Variants in VAV3 observed in about 807,000 individuals in gnomAD.
VAV3 encodes vav guanine nucleotide exchange factor 3.
Under a neutral mutation model 131.2 loss-of-function variants are expected in VAV3, and 94 were observed. That is an observed-to-expected ratio of 0.72 (90% CI 0.61 to 0.85). The LOEUF (loss-of-function observed/expected upper bound fraction) is 0.85, where lower values mean the gene tolerates loss of function less well. Among genes scored for constraint, VAV3 ranks in the 40% least tolerant of loss-of-function variants. The pLI is 0.00. For synonymous variants in VAV3, 349 were observed against 342.0 expected, an observed-to-expected ratio of 1.02 and a Z score of -0.22; for missense variants, 939 against 1,002.7, an observed-to-expected ratio of 0.94 and a Z score of 0.86.
At chr1:107,641,734 G>C (rs1165895113) in intron 20 of VAV3, among the ~76,000 whole-genome samples, 1 of 152,094 alleles carries the variant, frequency 6.6e-6, no homozygotes, top group East Asian at 1.9e-4. Flanking sequence ...AAGCTAATTA[G>C]GTAGTTCCCC....
intron 25 of VAV3, among the ~76,000 whole-genome samples, chr1:107,582,571 C>G (rs1650143065): frequency 8.3e-6 from 1 of 120,338 alleles, no homozygotes; most frequent in Non-Finnish European, 1.7e-5. Flanking sequence ...CCTCCCCCCA[C>G]CCCACAACAG....
chr1:107,618,197 C>T (rs1254505592), intron 20 of VAV3, among the ~76,000 whole-genome samples: 1 of 152,190 alleles, frequency 6.6e-6, no homozygotes, highest in African/African-American at 2.4e-5. Flanking sequence ...CAGTTCCTAA[C>T]AGGCCACAGT....
intron 22 of VAV3, among the ~76,000 whole-genome samples, chr1:107,607,757 T>C (rs1198453695): frequency 1.3e-5 from 2 of 152,224 alleles, no homozygotes; most frequent in African/African-American, 4.8e-5. Context: ...AAGACAATCA[T>C]CTTAATTTTC....
chr1:107,953,041 G>A (rs1366353934), intron 1 of VAV3, among the ~76,000 whole-genome samples: 1 of 152,114 alleles, frequency 6.6e-6, no homozygotes, highest in African/African-American at 2.4e-5. Context: ...GGCCTGCCTT[G>A]TTTTTTGAAA....
intron 13 of VAV3, among the ~76,000 whole-genome samples, chr1:107,750,572 C>T (rs1347875480): frequency 6.6e-6 from 1 of 152,134 alleles, no homozygotes. Flanking sequence ...GATGCTGCCC[C>T]CTACTGGCTT....
chr1:107,655,031 A>G (rs956424656), intron 19 of VAV3, among the ~76,000 whole-genome samples: 1 of 152,082 alleles, frequency 6.6e-6, no homozygotes, highest in Non-Finnish European at 1.5e-5. Context: ...TATACATAGA[A>G]ATGACACACT....
chr1:107,805,002 T>C (rs1161298626), intron 2 of VAV3, among the ~76,000 whole-genome samples: 1 of 151,850 alleles, frequency 6.6e-6, no homozygotes, highest in Non-Finnish European at 1.5e-5. Context: ...ACTTTGAAAA[T>C]GTATGTTTTC....
intron 26 of VAV3, 109 bp downstream of exon 26, chr1:107,573,938 G>A: frequency 1.4e-6 from 2 of 1,414,100 alleles, no homozygotes; most frequent in Non-Finnish European, 1.9e-6. Flanking sequence ...CCTGTGGGCT[G>A]AAAGCTGTAA....
intron 15 of VAV3, among the ~76,000 whole-genome samples, chr1:107,714,214 G>A (rs758736805): frequency 6.6e-6 from 1 of 152,020 alleles, no homozygotes; most frequent in East Asian, 1.9e-4. Flanking sequence ...TCCCCAGCAC[G>A]CAAGACAGAT....
chr1:107,617,519 G>C, intron 21 of VAV3, 48 bp downstream of exon 21: 2 of 1,544,928 alleles, frequency 1.3e-6, no homozygotes, highest in Non-Finnish European at 1.8e-6. Context: ...TTAATCACAG[G>C]ATCAAAAACA....
chr1:107,936,446 C>G (rs1381262092), intron 1 of VAV3, among the ~76,000 whole-genome samples: 1 of 152,110 alleles, frequency 6.6e-6, no homozygotes, highest in Admixed American at 6.5e-5. Context: ...AAATCAAACA[C>G]TAACAGATTT....
intron 1 of VAV3, among the ~76,000 whole-genome samples, chr1:107,918,709 T>A (rs60171013): frequency 0.01 from 1,336 of 127,510 alleles, 10 homozygotes; most frequent in East Asian, 0.055. Flanking sequence ...ATATATATTT[T>A]TTTTTTTTTT....
chr1:107,952,836 A>G (rs1445268330), intron 1 of VAV3, among the ~76,000 whole-genome samples: 1 of 152,206 alleles, frequency 6.6e-6, no homozygotes, highest in East Asian at 1.9e-4. Flanking sequence ...TGATTTAAAT[A>G]ATTGCTTCAC....
chr1:107,710,285 T>C (rs527470322), intron 15 of VAV3, among the ~76,000 whole-genome samples: 1 of 152,312 alleles, frequency 6.6e-6, no homozygotes, highest in African/African-American at 2.4e-5. Context: ...GTGGCAATTA[T>C]GTAGTATACA....
chr1:107,834,591 A>G (rs1026079217), intron 2 of VAV3, among the ~76,000 whole-genome samples: 1 of 151,770 alleles, frequency 6.6e-6, no homozygotes, highest in African/African-American at 2.4e-5. Flanking sequence ...GCCACAAAAC[A>G]TACCTTAATG....
intron 15 of VAV3, among the ~76,000 whole-genome samples, chr1:107,715,888 T>C (rs186108179): frequency 3.3e-5 from 5 of 152,342 alleles, no homozygotes; most frequent in African/African-American, 1.2e-4. Context: ...ATTTAAGTTG[T>C]ATCACATTTC....
At chr1:107,962,789 C>G (rs1401657261) in intron 1 of VAV3, among the ~76,000 whole-genome samples, 1 of 152,204 alleles carries the variant, frequency 6.6e-6, no homozygotes, top group Non-Finnish European at 1.5e-5. Flanking sequence ...GACTTAAGAA[C>G]TCAAAAGTGC....
At chr1:107,581,244 A>G (rs1275200830) in intron 25 of VAV3, among the ~76,000 whole-genome samples, 1 of 152,198 alleles carries the variant, frequency 6.6e-6, no homozygotes, top group East Asian at 1.9e-4. Context: ...TTTCAACTCC[A>G]TATTAGCATA....
chr1:107,785,555 A>G (rs1254546582), intron 2 of VAV3: 1 of 1,239,960 alleles, frequency 8.1e-7, no homozygotes, highest in African/African-American at 1.6e-5. Flanking sequence ...ACGGCATCAC[A>G]CCCCTACAAC....
Sources: allele counts gnomAD v4.1 joint callset (sites outside exome capture counted in the v4.1 genomes callset), GRCh38; gene constraint gnomAD v4.1.1; transcripts MANE v1.5; gene names NCBI Gene and HGNC (gene_info 2026-07-23, HGNC 2026-07-21).